PEMT: variants seen among roughly 807,000 people sequenced by gnomAD.
The protein encoded by PEMT is phospholipid methyltransferase.
PEMT carries 23 observed loss-of-function variants against 27.4 expected under a neutral mutation model. That is an observed-to-expected ratio of 0.84 (90% CI 0.60 to 1.19). PEMT has a LOEUF of 1.19. Among genes scored for constraint, PEMT ranks in the 50% most tolerant of loss-of-function variants. The probability of loss-of-function intolerance (pLI) is 0.00; values close to 1 mark genes in which losing one functional copy is unlikely to be tolerated. For missense variants in PEMT, 307 were observed against 310.1 expected (o/e 0.99, Z 0.07); for synonymous variants, 137 against 139.1 (o/e 0.98, Z 0.11).
intron 2 of PEMT, among the ~76,000 whole-genome samples, chr17:17,536,970 C>CG (rs1567696349): frequency 1.3e-5 from 2 of 152,216 alleles, no homozygotes; most frequent in Admixed American, 6.5e-5. Flanking sequence ...TCAGGGAGTG[C>CG]GGGGTCTCCC....
chr17:17,528,618 G>C (rs536423667), intron 2 of PEMT, among the ~76,000 whole-genome samples: 1 of 152,332 alleles, frequency 6.6e-6, no homozygotes, highest in African/African-American at 2.4e-5. Context: ...ATGTCTGAGT[G>C]AGACGTCCCC....
rs1349057984 is a variant in PEMT, at chr17:17,512,494, C to A, written c.466+15G>T. 6.4e-7 allele frequency: 1 copy of A among 1,568,314 alleles called. No individual in the cohort carries two copies. Among genetic ancestry groups the A allele is most frequent in the South Asian group, 1.2e-5 (1 of 84,046 alleles). On this transcript the variant is annotated intron_variant, in intron 4 of 6. Transcript: ENST00000255389. This position sits in a 1 kb window ranked among gnomAD's most constrained non-coding sequence, Gnocchi z 6.3. ...GCGGTCCTGCTCAGGGTCACCCCAGCCCTCAGGGTCTTACCTAGGAAAGTT... is the reference window on the plus strand; with the variant it reads ...GCGGTCCTGCTCAGGGTCACCCCAGACCTCAGGGTCTTACCTAGGAAAGTT...
chr17:17,567,069 A>G (rs1363252270), intron 2 of PEMT, among the ~76,000 whole-genome samples: 2 of 152,192 alleles, frequency 1.3e-5, no homozygotes, highest in African/African-American at 4.8e-5. Flanking sequence ...GCCAGAACCA[A>G]AAATAAATCA....
intron 2 of PEMT, among the ~76,000 whole-genome samples, chr17:17,548,789 C>A (rs1909437273): frequency 6.6e-6 from 1 of 152,236 alleles, no homozygotes; most frequent in Admixed American, 6.5e-5. Context: ...AGGTGATCCG[C>A]CCGCCTCGGC....
At chr17:17,543,224 C>T (rs890166793) in intron 2 of PEMT, among the ~76,000 whole-genome samples, 1 of 152,266 alleles carries the variant, frequency 6.6e-6, no homozygotes, top group African/African-American at 2.4e-5. Context: ...TGACCGTCCA[C>T]TGCCAGGGCG....
At chr17:17,522,454 G>T in intron 2 of PEMT, 59 bp from the exon 3 acceptor site, 1 of 1,050,362 alleles carries the variant, frequency 9.5e-7, no homozygotes, top group Non-Finnish European at 1.5e-6. Flanking sequence ...CAGGGTGGGG[G>T]TGGGGAGCAC....
At chr17:17,546,280 C>G (rs1227253129) in intron 2 of PEMT, among the ~76,000 whole-genome samples, 2 of 152,166 alleles carry the variant, frequency 1.3e-5, no homozygotes, top group Non-Finnish European at 2.9e-5. Flanking sequence ...ACGGCATGTC[C>G]TGATGCCTGC....
At chr17:17,553,052 G>T (rs532141254) in intron 2 of PEMT, among the ~76,000 whole-genome samples, 37 of 152,338 alleles carry the variant, frequency 2.4e-4, no homozygotes, top group African/African-American at 8.7e-4. Context: ...CAGCATGCAG[G>T]TTTCCATTTA....
intron 3 of PEMT, among the ~76,000 whole-genome samples, chr17:17,520,807 C>T (rs543398895): frequency 2.2e-3 from 334 of 152,072 alleles, no homozygotes; most frequent in Non-Finnish European, 3.4e-3. Context: ...AGGCCAGGAG[C>T]CAGGGGTCCA....
intron 2 of PEMT, among the ~76,000 whole-genome samples, chr17:17,536,475 C>A (rs111493187): frequency 7.2e-5 from 11 of 152,328 alleles, no homozygotes; most frequent in African/African-American, 2.6e-4. Flanking sequence ...CCTCTGTCTG[C>A]CTCCGGGTCC....
chr17:17,526,891 C>G (rs796512705), intron 2 of PEMT, among the ~76,000 whole-genome samples: 2 of 152,342 alleles, frequency 1.3e-5, no homozygotes, highest in African/African-American at 2.4e-5. Flanking sequence ...TCCCACCCCA[C>G]AAGGCCTACA....
intron 5 of PEMT, chr17:17,507,529 C>T (rs1484641813): frequency 3.0e-6 from 1 of 338,818 alleles, no homozygotes; most frequent in Non-Finnish European, 5.5e-6. Flanking sequence ...CAAGCCCAGG[C>T]TCCAACCCCA....
intron 2 of PEMT, among the ~76,000 whole-genome samples, chr17:17,538,734 C>G (rs1225848539): frequency 6.6e-6 from 1 of 152,186 alleles, no homozygotes; most frequent in Non-Finnish European, 1.5e-5. Flanking sequence ...CTGTACAAAG[C>G]AACTGAAAAA....
chr17:17,575,398 T>C (rs1911509801), intron 2 of PEMT, among the ~76,000 whole-genome samples: 1 of 152,228 alleles, frequency 6.6e-6, no homozygotes, highest in Non-Finnish European at 1.5e-5. Flanking sequence ...ATAAGAGACC[T>C]TCACAGGATG....
Position 17,523,156 on chromosome 17 carries a change from G to C in PEMT, c.205-761C>G, listed in dbSNP as rs1327456076. Among the ~76,000 whole-genome samples the C allele has an allele frequency of 6.6e-6, 1 of 152,128 alleles. No homozygotes were observed. On this transcript the variant is annotated intron_variant, in intron 2 of 6. Transcript: ENST00000255389. The surrounding 1 kb of genome is among the most constrained non-coding windows in gnomAD (Gnocchi z 4.8). ...TGAGGAAGGAACGGAGAGGAGGGGA[G>C]GGGGCAAGGAGGATGCAAAAAGACA...
At chr17:17,569,345 G>T (rs751715114) in intron 2 of PEMT, among the ~76,000 whole-genome samples, 1 of 152,190 alleles carries the variant, frequency 6.6e-6, no homozygotes, top group African/African-American at 2.4e-5. Context: ...TGGAGCGAGA[G>T]GTCTTGGGCA....
intron 2 of PEMT, among the ~76,000 whole-genome samples, chr17:17,542,237 TC>T (rs11348592): frequency 0.49 from 73,856 of 151,996 alleles, 18,250 homozygotes; most frequent in Non-Finnish European, 0.54. Context: ...CGCCTCAGCC[TC>T]CCAAAGAGCT....
chr17:17,507,046 C>T (rs972939587), intron 5 of PEMT: 25 of 937,384 alleles, frequency 2.7e-5, no homozygotes, highest in African/African-American at 2.6e-4. Flanking sequence ...AGCTCCTGAC[C>T]CCGCCACACC....
intron 2 of PEMT, among the ~76,000 whole-genome samples, chr17:17,560,562 C>G (rs1597935021): frequency 6.6e-6 from 1 of 152,206 alleles, no homozygotes; most frequent in Admixed American, 6.5e-5. Context: ...CTTCACCACA[C>G]CGGCCCCGGG....
Sources: allele counts gnomAD v4.1 joint callset (sites outside exome capture counted in the v4.1 genomes callset), GRCh38; gene constraint gnomAD v4.1.1; non-coding constraint Gnocchi (gnomAD v3.1); transcripts MANE v1.5; gene names NCBI Gene and HGNC (gene_info 2026-07-23, HGNC 2026-07-21).